Variants in LRRC4C observed in about 807,000 individuals in gnomAD.
LRRC4C encodes leucine rich repeat containing 4C, also known as leucine-rich repeat-containing protein 4C.
In LRRC4C, 5 loss-of-function variants were observed where a neutral mutation model predicts 33.6. That is an observed-to-expected ratio of 0.15 (90% CI 0.08 to 0.31). LRRC4C has a LOEUF of 0.31. LRRC4C is among the 10% of genes least tolerant of loss of function. LRRC4C has a pLI of 1.00. For synonymous variants in LRRC4C, 329 were observed against 302.0 expected (o/e 1.09, Z -0.93); for missense variants, 560 against 796.7 (o/e 0.70, Z 3.58).
At chr11:40,282,419 T>G (rs1943543099) in intron 4 of LRRC4C, among the ~76,000 whole-genome samples, 1 of 152,074 alleles carries the variant, frequency 6.6e-6, no homozygotes, top group African/African-American at 2.4e-5. Flanking sequence ...CCTCACGCTT[T>G]ATCATAAGGA....
chr11:40,793,018 A>G (rs1382215879), intron 2 of LRRC4C, among the ~76,000 whole-genome samples: 2 of 152,152 alleles, frequency 1.3e-5, no homozygotes, highest in Non-Finnish European at 2.9e-5. Flanking sequence ...GGATAGCATT[A>G]GGAGATACAC....
chr11:41,287,814 CCT>C (rs1370917069), intron 1 of LRRC4C, among the ~76,000 whole-genome samples: 1 of 152,252 alleles, frequency 6.6e-6, no homozygotes, highest in Non-Finnish European at 1.5e-5. Flanking sequence ...GTAAATCTCC[CCT>C]GTCTCTTTCA....
At chr11:40,262,366 T>A (rs1442808497) in intron 4 of LRRC4C, among the ~76,000 whole-genome samples, 1 of 152,138 alleles carries the variant, frequency 6.6e-6, no homozygotes, top group South Asian at 2.1e-4. Flanking sequence ...GAAATAGGAA[T>A]GCTTTCCACT....
chr11:41,139,510 TG>T (rs1943411728), intron 1 of LRRC4C, among the ~76,000 whole-genome samples: 1 of 152,144 alleles, frequency 6.6e-6, no homozygotes, highest in Admixed American at 6.5e-5. Flanking sequence ...TGAACGATGG[TG>T]GTAAATGGCA....
At chr11:40,194,626 G>C (rs1002922279) in intron 5 of LRRC4C, among the ~76,000 whole-genome samples, 1 of 151,714 alleles carries the variant, frequency 6.6e-6, no homozygotes, top group Admixed American at 6.6e-5. Flanking sequence ...GTCGGGGGGT[G>C]GGGGGCAAAG....
intron 3 of LRRC4C, among the ~76,000 whole-genome samples, chr11:40,465,965 C>A (rs1161435093): frequency 6.6e-6 from 1 of 151,990 alleles, no homozygotes; most frequent in Non-Finnish European, 1.5e-5. Context: ...GATACTTGCA[C>A]TTACATGTTT....
chr11:40,370,999 AT>A (rs200912904), intron 3 of LRRC4C, among the ~76,000 whole-genome samples: 3 of 152,054 alleles, frequency 2.0e-5, no homozygotes, highest in African/African-American at 7.3e-5. Context: ...CTGTACATTG[AT>A]TTTTTTAAAA....
At chr11:40,260,549 TA>T (rs538563323) in intron 4 of LRRC4C, among the ~76,000 whole-genome samples, 127 of 142,740 alleles carry the variant, frequency 8.9e-4, no homozygotes, top group East Asian at 6.1e-3. Context: ...AAACTTAAAG[TA>T]AAAAAAAAAA....
At chr11:41,417,957 A>AATATATACGTGT (rs1448264054) in intron 1 of LRRC4C, among the ~76,000 whole-genome samples, 1 of 86,158 alleles carries the variant, frequency 1.2e-5, no homozygotes, top group Non-Finnish European at 3.3e-5. Flanking sequence ...TATATATACA[A>AATATATACGTGT]ATATATACAA....
In LRRC4C at chr11:40,646,364, A is replaced by T. The variant is rs1343780475; in HGVS notation, c.-270+1778T>A. ...TTGCTCATAAGAATGACACAAGCATATAAGAAGCTTCTAGAACTGCCTTTT... is the reference window on the plus strand; with the variant it reads ...TTGCTCATAAGAATGACACAAGCATTTAAGAAGCTTCTAGAACTGCCTTTT... On this transcript the variant is annotated intron_variant, in intron 3 of 6. Coordinates refer to ENST00000528697, the MANE Select transcript of LRRC4C (RefSeq NM_001258419.2). 2.0e-5 allele frequency among the ~76,000 whole-genome samples: 3 copies of T among 152,254 alleles called. No individual in the cohort carries two copies. The East Asian group carries it at 5.8e-4, about 29-fold the overall frequency.
intron 2 of LRRC4C, among the ~76,000 whole-genome samples, chr11:40,811,507 C>CT (rs1351590491): frequency 4.0e-5 from 6 of 151,782 alleles, no homozygotes; most frequent in African/African-American, 9.7e-5. Context: ...GGCATCTACT[C>CT]TTTTTTTTGA....
At chr11:40,660,180 T>A (rs1364956320) in intron 2 of LRRC4C, among the ~76,000 whole-genome samples, 1 of 152,188 alleles carries the variant, frequency 6.6e-6, no homozygotes, top group East Asian at 1.9e-4. Flanking sequence ...TGCCAGCACC[T>A]GGAGCTGCCT....
intron 1 of LRRC4C, among the ~76,000 whole-genome samples, chr11:41,118,944 G>GT (rs576588863): frequency 9.9e-5 from 15 of 150,920 alleles, no homozygotes; most frequent in Admixed American, 4.6e-4. Context: ...CTCCTCCTGT[G>GT]TTTTTTTTCT....
intron 1 of LRRC4C, among the ~76,000 whole-genome samples, chr11:41,131,529 A>G (rs1943012187): frequency 6.6e-6 from 1 of 152,058 alleles, no homozygotes; most frequent in Non-Finnish European, 1.5e-5. Flanking sequence ...CGTGCTTGAA[A>G]TATCAGTGTG....
intron 6 of LRRC4C, among the ~76,000 whole-genome samples, chr11:40,124,317 A>G (rs946341832): frequency 2.6e-5 from 4 of 152,188 alleles, no homozygotes; most frequent in Non-Finnish European, 4.4e-5. Flanking sequence ...ATATTCCCTA[A>G]AAAAGGAAAT....
chr11:41,422,571 T>C (rs1424388610), intron 1 of LRRC4C, among the ~76,000 whole-genome samples: 3 of 152,088 alleles, frequency 2.0e-5, no homozygotes, highest in African/African-American at 7.2e-5. Context: ...GAGTCTTTCA[T>C]GATACCTTGG....
chr11:40,405,230 C>A (rs936666083), intron 3 of LRRC4C, among the ~76,000 whole-genome samples: 2 of 151,876 alleles, frequency 1.3e-5, no homozygotes, highest in Non-Finnish European at 2.9e-5. Context: ...GCACCATGTC[C>A]TTTTGGTTCA....
chr11:41,323,772 A>G (rs1431782739), intron 1 of LRRC4C, among the ~76,000 whole-genome samples: 6 of 152,224 alleles, frequency 3.9e-5, no homozygotes, highest in Non-Finnish European at 7.3e-5. Context: ...AGATTTAAAA[A>G]GAAGTCTGGC....
intron 1 of LRRC4C, among the ~76,000 whole-genome samples, chr11:41,217,474 T>C (rs1947110197): frequency 6.6e-6 from 1 of 152,232 alleles, no homozygotes; most frequent in Non-Finnish European, 1.5e-5. Context: ...GAAGTCTATC[T>C]GAACACAAAT....
Sources: gnomAD v4.1 joint callset for allele counts (sites outside exome capture counted in the v4.1 genomes callset) on GRCh38, gnomAD v4.1.1 for gene constraint, MANE v1.5 for transcripts, NCBI Gene and HGNC (gene_info 2026-07-23, HGNC 2026-07-21) for gene names.